The following CD300LF variants were observed in gnomAD, a reference collection of about 807,000 sequenced individuals.
CD300LF encodes CD300 molecule like family member f.
A neutral mutation model predicts 32.2 loss-of-function variants in CD300LF; 27 were observed. The observed-to-expected ratio is 0.84, with a 90% CI of 0.62 to 1.15. The LOEUF (loss-of-function observed/expected upper bound fraction) is 1.15. Among genes scored for constraint, CD300LF ranks in the 50% most tolerant of loss-of-function variants. The probability of loss-of-function intolerance (pLI) is 0.00; values close to 1 mark genes in which losing one functional copy is unlikely to be tolerated. For synonymous variants in CD300LF, 139 were observed against 143.2 expected, an observed-to-expected ratio of 0.97 and a Z score of 0.21; for missense variants, 348 against 356.8, an observed-to-expected ratio of 0.98 and a Z score of 0.20.
intron 4 of CD300LF, 25 bp from the exon 5 acceptor site, chr17:74,696,242 A>G: frequency 6.2e-7 from 1 of 1,600,006 alleles, no homozygotes; most frequent in Non-Finnish European, 8.5e-7. Context: ...ACAATTCAGA[A>G]TTAGAAAGCC....
At chr17:74,702,761 G>A (rs1210580421) in intron 3 of CD300LF, among the ~76,000 whole-genome samples, 2 of 152,178 alleles carry the variant, frequency 1.3e-5, no homozygotes, top group African/African-American at 2.4e-5. Context: ...TCAGCACGGT[G>A]CAGCCATGTA....
At chr17:74,705,094 C>A in intron 1 of CD300LF, 1 of 655,206 alleles carries the variant, frequency 1.5e-6, no homozygotes. Flanking sequence ...CTCCACCCTA[C>A]GGCCAAGGTA....
intron 3 of CD300LF, among the ~76,000 whole-genome samples, chr17:74,700,869 A>T (rs532227158): frequency 2.0e-5 from 3 of 152,130 alleles, no homozygotes; most frequent in African/African-American, 7.2e-5. Flanking sequence ...ATGTGATTGT[A>T]TTTGAAGATA....
intron 1 of CD300LF, among the ~76,000 whole-genome samples, chr17:74,710,083 AT>A (rs1314897740): frequency 6.6e-6 from 1 of 152,090 alleles, no homozygotes; most frequent in Non-Finnish European, 1.5e-5. Context: ...GGTTCACGCC[AT>A]TCTCCTGCCT....
rs371485322 is a variant in CD300LF, at chr17:74,710,180, G to A, written c.43+2644C>T. On this transcript the variant is annotated intron_variant, in intron 1 of 6. Transcript: ENST00000326165. ...CTTTTGGTAGAGATGGGGTTTCACC[G>A]TAGCCAGGATGGTCTCGATCTCCTG... Among the ~76,000 whole-genome samples, 28 of 151,768 alleles carry A rather than the reference G, an allele frequency of 1.8e-4. No individual in the cohort carries two copies. In the South Asian group the frequency reaches 2.9e-3, roughly 16 times the overall value.
intron 3 of CD300LF, 135 bp downstream of exon 3, chr17:74,702,900 C>T: frequency 1.4e-6 from 1 of 696,890 alleles, no homozygotes; most frequent in South Asian, 1.8e-5. Flanking sequence ...GTGGGAAGGG[C>T]TCCCAGCTTC....
intron 1 of CD300LF, among the ~76,000 whole-genome samples, chr17:74,712,538 T>C (rs2034042344): frequency 6.6e-6 from 1 of 152,228 alleles, no homozygotes; most frequent in African/African-American, 2.4e-5. Flanking sequence ...GCAGCCCATG[T>C]TCCTCCTCTG....
At chr17:74,703,220 C>T in intron 2 of CD300LF, 122 bp from the exon 3 acceptor site, 1 of 1,222,316 alleles carries the variant, frequency 8.2e-7, no homozygotes, top group East Asian at 2.4e-5. Flanking sequence ...CTGCACACAG[C>T]TCTGAGCCTG....
intron 4 of CD300LF, among the ~76,000 whole-genome samples, chr17:74,697,761 G>A (rs994542527): frequency 1.3e-5 from 2 of 152,188 alleles, no homozygotes; most frequent in African/African-American, 4.8e-5. Flanking sequence ...TTCACAAAGG[G>A]CAAGTAGGTC....
chr17:74,696,052 C>T, intron 5 of CD300LF, 143 bp downstream of exon 5: 1 of 1,278,574 alleles, frequency 7.8e-7, no homozygotes, highest in Admixed American at 2.2e-5. Flanking sequence ...GGCCCTCAGC[C>T]CCCAGGCCCT....
intron 1 of CD300LF, among the ~76,000 whole-genome samples, chr17:74,706,929 A>T (rs1329863722): frequency 4.6e-5 from 7 of 152,234 alleles, no homozygotes. Flanking sequence ...AAAACTCGAC[A>T]TCCACGTCCA....
At chr17:74,712,383 C>T (rs912392495) in intron 1 of CD300LF, among the ~76,000 whole-genome samples, 1 of 152,148 alleles carries the variant, frequency 6.6e-6, no homozygotes, top group Admixed American at 6.5e-5. Context: ...AACCACCACT[C>T]CCTCTCTGCC....
At chr17:74,706,856 G>C (rs1318530642) in intron 1 of CD300LF, among the ~76,000 whole-genome samples, 1 of 152,194 alleles carries the variant, frequency 6.6e-6, no homozygotes, top group Non-Finnish European at 1.5e-5. Context: ...GGGGAAAGAA[G>C]CGGGCCCTGT....
chr17:74,705,449 T>G (rs1202615571), intron 1 of CD300LF: 1 of 508,976 alleles, frequency 2.0e-6, no homozygotes, highest in Non-Finnish European at 3.6e-6. Flanking sequence ...AAATTGCAAA[T>G]TTGTGGATTT....
chr17:74,710,908 C>T (rs2033911466), intron 1 of CD300LF, among the ~76,000 whole-genome samples: 1 of 151,672 alleles, frequency 6.6e-6, no homozygotes, highest in Non-Finnish European at 1.5e-5. Context: ...GGCACGGTGG[C>T]TCATGCTTTT....
intron 6 of CD300LF, 87 bp from the exon 7 acceptor site, chr17:74,695,338 GA>G: frequency 6.6e-7 from 1 of 1,505,810 alleles, no homozygotes; most frequent in Non-Finnish European, 9.1e-7. Flanking sequence ...GGATAGTGGG[GA>G]TGGACCATTC....
chr17:74,707,055 G>T (rs539425762), intron 1 of CD300LF, among the ~76,000 whole-genome samples: 1 of 152,194 alleles, frequency 6.6e-6, no homozygotes, highest in African/African-American at 2.4e-5. Context: ...TAATGGAAAA[G>T]CTCCACAACA....
chr17:74,710,462 T>C (rs2033862989), intron 1 of CD300LF, among the ~76,000 whole-genome samples: 1 of 152,122 alleles, frequency 6.6e-6, no homozygotes, highest in South Asian at 2.1e-4. Context: ...TGCTAATAAA[T>C]AGTTGGAAAG....
intron 4 of CD300LF, among the ~76,000 whole-genome samples, chr17:74,696,643 C>G (rs980124238): frequency 2.6e-5 from 4 of 152,226 alleles, no homozygotes; most frequent in African/African-American, 7.2e-5. Flanking sequence ...GCTGTCTAAT[C>G]CCCCTCCCGG....
Sources: gnomAD v4.1 joint callset for allele counts (sites outside exome capture counted in the v4.1 genomes callset) on GRCh38, gnomAD v4.1.1 for gene constraint, MANE v1.5 for transcripts, NCBI Gene and HGNC (gene_info 2026-07-23, HGNC 2026-07-21) for gene names.